ZNF555: variants seen among roughly 807,000 people sequenced by gnomAD.
ZNF555 encodes the protein zinc finger protein 555.
Under a neutral mutation model 14.0 loss-of-function variants are expected in ZNF555, and 10 were observed. The ratio of observed to expected loss-of-function variants is 0.72; its 90% CI spans 0.44 to 1.21. The LOEUF is 1.21. Ranked by LOEUF, ZNF555 falls within the 50% of genes most tolerant of loss-of-function variation. ZNF555 has a pLI of 0.00. For missense variants in ZNF555, 747 were observed against 762.0 expected (o/e 0.98, Z 0.23); for synonymous variants, 277 against 262.4 (o/e 1.06, Z -0.54).
chr19:2,850,801 T>G, intron 2 of ZNF555, 88 bp downstream of exon 2: 1 of 1,529,522 alleles, frequency 6.5e-7, no homozygotes, highest in African/African-American at 1.4e-5. Context: ...GCTTGGAATG[T>G]GGAAAGGGAA....
intron 1 of ZNF555, among the ~76,000 whole-genome samples, chr19:2,847,541 T>TA (rs754309751): frequency 2.6e-5 from 4 of 152,252 alleles, no homozygotes; most frequent in African/African-American, 9.6e-5. Context: ...TTACCACAGT[T>TA]AAAAAATTGG....
chr19:2,853,418 C>G lies in ZNF555; in HGVS notation c.1353C>G (p.Pro451=). The change falls in exon 4 of 4, where the codon CCC becomes CCG. Residue 451 remains proline (P), a synonymous_variant. Transcript: ENST00000334241. ...TGAGAACACATACTAGAGAGAAACCCTATGAATGTAAGCAGTGTGGGAAAG... is the reference window on the plus strand; with the variant it reads ...TGAGAACACATACTAGAGAGAAACCGTATGAATGTAAGCAGTGTGGGAAAG... ...KHMRTHTREK[P]YECKQCGKAF... is the part of the protein sequence containing the mutation. 6.2e-7 allele frequency: 1 copy of G among 1,614,056 alleles called. No individual in the cohort carries two copies. The highest frequency in any genetic ancestry group is 8.5e-7 in the Non-Finnish European group (1 of 1,179,990).
rs944288770 is a variant in ZNF555, at chr19:2,858,405, T to A, written c.*4453T>A. 5 of 152,262 alleles carry A rather than the reference T, an allele frequency of 3.3e-5. No homozygotes were observed. The highest frequency in any genetic ancestry group is 4.8e-5 in the African/African-American group (2 of 41,460). 9.4% of individuals were successfully genotyped at this position (152,262 alleles called of 1,614,324 possible). On this transcript the variant is annotated 3_prime_UTR_variant, in exon 4 of 4. Coordinates refer to ENST00000334241, the MANE Select transcript of ZNF555 (RefSeq NM_152791.5). The stretch of plus-strand genomic sequence containing the variant: ...GAGTTTACACCAGGTTCTTCCCATC[T>A]GATCTTTGGGAATGCTGTGGTTCTG...
At chr19:2,845,144 C>T (rs558143134) in intron 1 of ZNF555, among the ~76,000 whole-genome samples, 12 of 152,236 alleles carry the variant, frequency 7.9e-5, no homozygotes, top group African/African-American at 2.2e-4. Context: ...GAATCCCCAG[C>T]GTCTATTGTT....
chr19:2,848,198 C>T (rs983264370), intron 1 of ZNF555, among the ~76,000 whole-genome samples: 1 of 151,228 alleles, frequency 6.6e-6, no homozygotes, highest in African/African-American at 2.4e-5. Flanking sequence ...GTCGCCCAGG[C>T]TGGAGTGCAG....
intron 1 of ZNF555, among the ~76,000 whole-genome samples, chr19:2,845,472 T>A (rs1422883071): frequency 6.6e-6 from 1 of 152,204 alleles, no homozygotes; most frequent in Non-Finnish European, 1.5e-5. Context: ...TTTGGGTAGA[T>A]GCCCAGTAGT....
Position 2,856,990 on chromosome 19 carries a change from G to T in ZNF555, c.*3038G>T, listed in dbSNP as rs945948792. ...AGAAAATTTTTCATGTGTTTTATAG[G>T]CCAAGGAGGCAGAAGCTTTTGTTTT... On this transcript the variant is annotated 3_prime_UTR_variant, in exon 4 of 4. Coordinates refer to ENST00000334241, the MANE Select transcript of ZNF555 (RefSeq NM_152791.5). 1 of 152,138 alleles carries T rather than the reference G, an allele frequency of 6.6e-6. No homozygotes were observed. Among genetic ancestry groups the T allele is most frequent in the Non-Finnish European group, 1.5e-5 (1 of 68,022 alleles). The allele number at this position is 152,138 out of a possible 1,614,324, so 9.4% of individuals were successfully genotyped here.
At chr19:2,842,903 C>T (rs1189035088) in intron 1 of ZNF555, among the ~76,000 whole-genome samples, 1 of 152,040 alleles carries the variant, frequency 6.6e-6, no homozygotes, top group Non-Finnish European at 1.5e-5. Flanking sequence ...ATTAGCTGGG[C>T]GTGGTGGCGG....
Position 2,852,888 on chromosome 19 carries a change from A to T in ZNF555, c.823A>T (p.Thr275Ser). The change falls in exon 4 of 4, where the codon ACA becomes TCA. Residue 275 changes from threonine (T) to serine (S), a missense_variant. By Grantham distance (58) the Thr-to-Ser change is moderately conservative (BLOSUM62 1). Transcript: ENST00000334241. ...FSYSSTFRRH[T>S]ITHTGEKPYK... ...TTATTCCTCAACGTTTCGAAGACAC[A>T]CAATAACACACACTGGCGAGAAGCC... 1.9e-6 allele frequency: 3 copies of T among 1,614,244 alleles called. No homozygotes were observed. Among genetic ancestry groups the T allele is most frequent in the Non-Finnish European group, 1.7e-6 (2 of 1,180,048 alleles).
rs772611096 is a variant in ZNF555 at position 2,852,880 on chromosome 19, G to A, written c.815G>A (p.Arg272Gln). 7.4e-6 allele frequency: 12 copies of A among 1,614,120 alleles called. No individual in the cohort carries two copies. Among genetic ancestry groups the A allele is most frequent in the Middle Eastern group, 1.6e-4 (1 of 6,062 alleles). Residue 272 changes from arginine (R) to glutamine (Q), a missense_variant, in exon 4 of 4, where the codon CGA (arginine) becomes CAA (glutamine). Arg to Gln is a conservative substitution (Grantham distance 43). Transcript: ENST00000334241. ...GKAFSYSSTF[R>Q]RHTITHTGEK... ...GCTTTCAGTTATTCCTCAACGTTTC[G>A]AAGACACACAATAACACACACTGGC... is the stretch of plus-strand genomic sequence containing the variant.
Position 2,841,489 on chromosome 19 carries a change from T to G in ZNF555, c.-84T>G. On this transcript the variant is annotated 5_prime_UTR_variant, in exon 1 of 4. Transcript: ENST00000334241. ...GGGACGCCTCTGTCCTAGCCGTGAG[T>G]GCCCCGCCTGCCCCTAGCGGTCCCT... 3.9e-6 allele frequency: 6 copies of G among 1,540,452 alleles called. No homozygotes were observed. The highest frequency in any genetic ancestry group is 1.2e-5 in the South Asian group (1 of 83,780).
Position 2,853,292 on chromosome 19 carries a change from C to T in ZNF555, c.1227C>T (p.Ser409=). 6.2e-7 allele frequency: 1 copy of T among 1,613,134 alleles called. No homozygotes were observed. ...GCGGGAAAGCATTCAGTCACCCCTCCTCCTTTCGAGGACACATGAGGGTGC... is the reference window on the plus strand; with the variant it reads ...GCGGGAAAGCATTCAGTCACCCCTCTTCCTTTCGAGGACACATGAGGGTGC... ...NQCGKAFSHP[S]SFRGHMRVHT... The change falls in exon 4 of 4, where the codon TCC becomes TCT. Residue 409 remains serine, a synonymous_variant. Transcript: ENST00000334241.
At chr19:2,851,724 A>G in intron 3 of ZNF555, 73 bp downstream of exon 3, 1 of 1,332,444 alleles carries the variant, frequency 7.5e-7, no homozygotes, top group Non-Finnish European at 9.9e-7. Context: ...TTAAAAAAGC[A>G]AGCAAACAGA....
intron 1 of ZNF555, among the ~76,000 whole-genome samples, chr19:2,843,334 A>AT (rs2087554639): frequency 1.3e-5 from 2 of 151,832 alleles, no homozygotes; most frequent in Admixed American, 6.6e-5. Context: ...AAGCTTTTGT[A>AT]TTTTTTTGTT....
intron 1 of ZNF555, among the ~76,000 whole-genome samples, chr19:2,850,375 G>C: frequency 6.6e-6 from 1 of 152,214 alleles, no homozygotes; most frequent in East Asian, 1.9e-4. Context: ...GTTGGTCCCA[G>C]TAAAAGTATA....
intron 1 of ZNF555, chr19:2,847,534 C>T (rs1454168491): frequency 6.6e-6 from 1 of 151,860 alleles, no homozygotes; most frequent in African/African-American, 2.4e-5. Flanking sequence ...TATGTATTTA[C>T]CACAGTTAAA....
intron 1 of ZNF555, among the ~76,000 whole-genome samples, chr19:2,842,300 A>G (rs980087563): frequency 5.3e-5 from 8 of 152,158 alleles, no homozygotes; most frequent in South Asian, 2.1e-4. Flanking sequence ...AGGTAAGGGG[A>G]AAAAAAACAA....
In ZNF555 at chr19:2,852,737, T is replaced by G. The variant is rs61748311; in HGVS notation, c.672T>G (p.Ala224=). ...SLNRHVRIHT[A]EKTYECKQCG... ...ATCGGCATGTAAGGATTCACACTGC[T>G]GAGAAAACCTACGAATGTAAGCAAT... The change falls in exon 4 of 4, where the codon GCT becomes GCG. Residue 224 remains alanine, a synonymous_variant. Coordinates refer to ENST00000334241, the MANE Select transcript of ZNF555 (RefSeq NM_152791.5). 5.7e-3 allele frequency: 9,265 copies of G among 1,614,196 alleles called. 29 individuals are homozygous for G. The highest frequency in any genetic ancestry group is 7.2e-3 in the Non-Finnish European group (8,530 of 1,180,028).
chr19:2,853,434 T>C lies in ZNF555; in HGVS notation c.1369T>C (p.Cys457Arg). 2.5e-6 allele frequency: 4 copies of C among 1,614,170 alleles called. No individual in the cohort carries two copies. The highest frequency in any genetic ancestry group is 3.4e-6 in the Non-Finnish European group (4 of 1,180,014). Residue 457 changes from cysteine to arginine, a missense_variant, in exon 4 of 4, where the codon TGT becomes CGT. Cys to Arg is a radical substitution (Grantham distance 180). Transcript: ENST00000334241. ...TREKPYECKQ[C>R]GKAFSLSACF... ...AGAGAAACCCTATGAATGTAAGCAG[T>C]GTGGGAAAGCCTTCAGCTTGTCTGC... is the stretch of plus-strand genomic sequence containing the variant.
Sources: gnomAD v4.1 joint callset for allele counts (sites outside exome capture counted in the v4.1 genomes callset) on GRCh38, gnomAD v4.1.1 for gene constraint, MANE v1.5 for transcripts, NCBI Gene and HGNC (gene_info 2026-07-23, HGNC 2026-07-21) for gene names.